The following HDAC2 variants were observed in gnomAD, a reference collection of about 807,000 sequenced individuals.
HDAC2 encodes YY1-associated factor 1.
HDAC2 carries 5 observed loss-of-function variants against 68.5 expected under a neutral mutation model. The observed-to-expected ratio is 0.07, with a 90% confidence interval of 0.04 to 0.15. HDAC2 has a LOEUF of 0.15. HDAC2 is among the 10% of genes least tolerant of loss of function. The pLI is 1.00. For missense variants in HDAC2, 291 were observed against 600.8 expected (o/e 0.48, Z 5.39); for synonymous variants, 182 against 191.3 (o/e 0.95, Z 0.40).
rs140648244 is a variant in HDAC2, at chr6:113,952,372, C to T, written c.639+905G>A. On this transcript the variant is annotated intron_variant, in intron 6 of 13. Transcript: ENST00000519065. ...GTATGGAAAAGTTTCAGTAAGGTAA[C>T]TCTTTTACTCAAAGAGTTTACTGAG... is the stretch of plus-strand genomic sequence containing the variant. Among the ~76,000 whole-genome samples the T allele has an allele frequency of 1.7e-3, 257 of 152,308 alleles. 1 individual carries two copies. Among genetic ancestry groups the T allele is most frequent in the African/African-American group, 5.8e-3 (241 of 41,564 alleles).
intron 3 of HDAC2, 63 bp downstream of exon 3, chr6:113,958,586 A>G: frequency 1.3e-6 from 1 of 786,306 alleles, no homozygotes; most frequent in Non-Finnish European, 2.2e-6. Context: ...AGATCATTCT[A>G]AGCTCCTAAA....
intron 13 of HDAC2, among the ~76,000 whole-genome samples, chr6:113,941,456 A>G (rs1776132214): frequency 6.6e-6 from 1 of 152,134 alleles, no homozygotes; most frequent in Non-Finnish European, 1.5e-5. Flanking sequence ...ATAAAAGATA[A>G]CAGCAAAAAA....
intron 1 of HDAC2, among the ~76,000 whole-genome samples, chr6:113,960,769 A>G (rs1484006437): frequency 1.3e-5 from 2 of 152,078 alleles, no homozygotes; most frequent in African/African-American, 2.4e-5. Context: ...AGTGTTTCCT[A>G]TAATAGTAAA....
intron 5 of HDAC2, among the ~76,000 whole-genome samples, chr6:113,955,295 C>T (rs1776525622): frequency 6.6e-6 from 1 of 151,918 alleles, no homozygotes; most frequent in Admixed American, 6.6e-5. Flanking sequence ...CTCACTGCAA[C>T]CTCCACCTCC....
chr6:113,945,181 C>CA (rs11458404), intron 10 of HDAC2, among the ~76,000 whole-genome samples, 181 bp downstream of exon 10: 22,823 of 124,620 alleles, frequency 0.18, 2,687 homozygotes, highest in African/African-American at 0.37. Context: ...CCCATCCTGA[C>CA]AAAAAAATTA....
chr6:113,946,843 A>C (rs1201243941), intron 8 of HDAC2: 1 of 152,144 alleles, frequency 6.6e-6, no homozygotes, highest in Non-Finnish European at 1.5e-5. Flanking sequence ...GAAGAAAAGA[A>C]AATCCTTCAA....
At chr6:113,944,097 GA>G (rs1776212042) in intron 11 of HDAC2, among the ~76,000 whole-genome samples, 182 bp downstream of exon 11, 1 of 152,166 alleles carries the variant, frequency 6.6e-6, no homozygotes, top group African/African-American at 2.4e-5. Flanking sequence ...CATACAAACT[GA>G]AACTGCTGAC....
rs1771218019 is a variant in HDAC2 at position 113,970,947 on chromosome 6, T to TGCTGCC, written c.-40_-39insGGCAGC. 7 of 1,309,576 alleles carry TGCTGCC rather than the reference T, an allele frequency of 5.3e-6. No individual in the cohort carries two copies. In the South Asian group the frequency reaches 9.6e-5, roughly 18 times the overall value. The allele number at this position is 1,309,576 out of a possible 1,614,324, so 81.1% of individuals were successfully genotyped here. ...ACCGCCGCCACCGGGCTCCTCCTCC[T>TGCTGCC]GCTGCTGCTGCTGCTGCTGCTGCCG... On this transcript the variant is annotated 5_prime_UTR_variant, in exon 1 of 14. Transcript: ENST00000519065.
chr6:113,949,124 ACATTCTGAAATTCCATTCCAATT>A, intron 7 of HDAC2, 21 bp downstream of exon 7: 1 of 1,608,882 alleles, frequency 6.2e-7, no homozygotes, highest in Non-Finnish European at 8.5e-7. Flanking sequence ...ATCTCCAATA[ACATTCTGAAATTCCATTCCAATT>A]GTGAAAACAA....
chr6:113,937,169 T>C lies in HDAC2; in HGVS notation c.*3889A>G, dbSNP rs1253264806. ...AGATTATGGTGGAGATCCTAAGCTA[T>C]TGAAATGATTACTACTTGTTTTCAA... is the stretch of plus-strand genomic sequence containing the variant. On this transcript the variant is annotated 3_prime_UTR_variant, in exon 14 of 14. Coordinates refer to ENST00000519065, the MANE Select transcript of HDAC2 (RefSeq NM_001527.4). The C allele has an allele frequency of 1.3e-5, 2 of 152,200 alleles. No homozygotes were observed. The highest frequency in any genetic ancestry group is 2.9e-5 in the Non-Finnish European group (2 of 68,038). The allele number at this position is 152,200 out of a possible 1,614,324, so 9.4% of individuals were successfully genotyped here.
At chr6:113,945,249 A>G in intron 10 of HDAC2, 113 bp downstream of exon 10, 1 of 487,616 alleles carries the variant, frequency 2.1e-6, no homozygotes, top group Non-Finnish European at 3.6e-6. Context: ...ATCCTTTAGA[A>G]AAAAACAAAA....
chr6:113,943,985 T>C (rs183820026), intron 11 of HDAC2, among the ~76,000 whole-genome samples: 29 of 152,346 alleles, frequency 1.9e-4, no homozygotes, highest in South Asian at 1.7e-3. Flanking sequence ...TGTTTAGTTA[T>C]TTAGTTCACC....
chr6:113,955,893 C>T (rs1206017499), intron 5 of HDAC2, 120 bp downstream of exon 5: 3 of 655,282 alleles, frequency 4.6e-6, no homozygotes, highest in Non-Finnish European at 7.1e-6. Flanking sequence ...ATAGAAAATT[C>T]ACCATTAACT....
At chr6:113,943,125 CAAG>C (rs1351614601) in intron 12 of HDAC2, among the ~76,000 whole-genome samples, 3 of 152,024 alleles carry the variant, frequency 2.0e-5, no homozygotes, top group African/African-American at 7.2e-5. Context: ...CCTATGTTAT[CAAG>C]AAAATAAGGT....
At chr6:113,943,213 T>C (rs1776181398) in intron 12 of HDAC2, 138 bp downstream of exon 12, 1 of 619,150 alleles carries the variant, frequency 1.6e-6, no homozygotes, top group South Asian at 2.3e-5. Context: ...CACTTATATG[T>C]AAGAAAAAAG....
rs898820524 is a variant in HDAC2, at chr6:113,935,646, C to G, written c.*5412G>C. 1 of 152,148 alleles carries G rather than the reference C, an allele frequency of 6.6e-6. No homozygotes were observed. Among genetic ancestry groups the G allele is most frequent in the African/African-American group, 2.4e-5 (1 of 41,426 alleles). The allele number at this position is 152,148 out of a possible 1,614,324, so 9.4% of individuals were successfully genotyped here. ...AAATGGGTCTGGCCAAAAAAAATCT[C>G]CTATTCAGAATCCTGCTACTCATTT... On this transcript the variant is annotated 3_prime_UTR_variant, in exon 14 of 14. Transcript: ENST00000519065.
At chr6:113,970,803 G>A (rs1776980956) in intron 1 of HDAC2, 54 bp downstream of exon 1, 3 of 1,468,798 alleles carry the variant, frequency 2.0e-6, no homozygotes, top group African/African-American at 1.5e-5. Context: ...CGGCAGCCGC[G>A]GAACCCAGCG....
chr6:113,937,311 T>C lies in HDAC2; in HGVS notation c.*3747A>G. 1 of 152,252 alleles carries C rather than the reference T, an allele frequency of 6.6e-6. No individual in the cohort carries two copies. Among genetic ancestry groups the C allele is most frequent in the Non-Finnish European group, 1.5e-5 (1 of 68,048 alleles). The allele number at this position is 152,252 out of a possible 1,614,324, so 9.4% of individuals were successfully genotyped here. ...ATAAAAAACAGAAGATGTAGGTGAC[T>C]AACTTCAATGTAAGAACTTCAAATA... On this transcript the variant is annotated 3_prime_UTR_variant, in exon 14 of 14. Coordinates refer to ENST00000519065, the MANE Select transcript of HDAC2 (RefSeq NM_001527.4).
At chr6:113,950,160 A>G (rs932947164) in intron 6 of HDAC2, among the ~76,000 whole-genome samples, 1 of 152,098 alleles carries the variant, frequency 6.6e-6, no homozygotes, top group Non-Finnish European at 1.5e-5. Flanking sequence ...CCAGGCATTA[A>G]TCTCTCTCAA....
Sources: allele counts gnomAD v4.1 joint callset (sites outside exome capture counted in the v4.1 genomes callset), GRCh38; gene constraint gnomAD v4.1.1; transcripts MANE v1.5; gene names NCBI Gene and HGNC (gene_info 2026-07-23, HGNC 2026-07-21).